CACNA1H: variants seen among roughly 807,000 people sequenced by gnomAD.
The protein encoded by CACNA1H is voltage-dependent T-type calcium channel subunit alpha-1H.
A neutral mutation model predicts 192.5 loss-of-function variants in CACNA1H; 149 were observed. The observed-to-expected ratio is 0.77, with a 90% CI of 0.68 to 0.89. The LOEUF is 0.89. Ranked by LOEUF, CACNA1H falls within the 40% of genes least tolerant of loss-of-function variation. The pLI is 0.00. For synonymous variants in CACNA1H, 2,202 were observed against 1,475.2 expected, an observed-to-expected ratio of 1.49 and a Z score of -11.29; for missense variants, 4,257 against 3,423.5, an observed-to-expected ratio of 1.24 and a Z score of -6.08.
intron 34 of CACNA1H, 68 bp downstream of exon 34, chr16:1,219,198 C>T: frequency 7.2e-7 from 1 of 1,397,094 alleles, no homozygotes. Flanking sequence ...TGCCTCGTCT[C>T]ATCTGAAGGA....
At chr16:1,195,390 G>A (rs1032027013) in intron 3 of CACNA1H, 42 bp from the exon 4 acceptor site, 23 of 1,549,382 alleles carry the variant, frequency 1.5e-5, no homozygotes, top group Non-Finnish European at 1.8e-5. Flanking sequence ...TGTGGGCTGA[G>A]CTGAGCTGTT....
intron 5 of CACNA1H, among the ~76,000 whole-genome samples, chr16:1,198,374 G>A (rs34569984): frequency 7.2e-5 from 11 of 152,046 alleles, no homozygotes; most frequent in Admixed American, 5.2e-4. Context: ...CTGGCGCCCC[G>A]CTGGATGCAC....
intron 6 of CACNA1H, among the ~76,000 whole-genome samples, chr16:1,199,726 A>T (rs918457393): frequency 2.9e-5 from 4 of 139,336 alleles, no homozygotes; most frequent in African/African-American, 1.1e-4. Context: ...CCTTCACCCC[A>T]GGGTCCCCTG....
At chr16:1,192,477 C>T (rs1966709830) in intron 2 of CACNA1H, among the ~76,000 whole-genome samples, 1 of 152,258 alleles carries the variant, frequency 6.6e-6, no homozygotes, top group Admixed American at 6.5e-5. Flanking sequence ...GGCCCCTTCC[C>T]TTCTGTCCCC....
At chr16:1,174,669 G>A (rs1964689263) in intron 2 of CACNA1H, among the ~76,000 whole-genome samples, 1 of 152,206 alleles carries the variant, frequency 6.6e-6, no homozygotes, top group Non-Finnish European at 1.5e-5. Context: ...GCTGGGAGAG[G>A]AGAGGCGCCC....
At chr16:1,202,610 G>A (rs377370793) in intron 9 of CACNA1H, among the ~76,000 whole-genome samples, 158 bp downstream of exon 9, 5 of 152,282 alleles carry the variant, frequency 3.3e-5, no homozygotes, top group African/African-American at 4.8e-5. Flanking sequence ...CCATAAGAAG[G>A]GGAAAGAGGC....
rs777503810 is a variant in CACNA1H at position 1,204,291 on chromosome 16, C to T, written c.2284C>T (p.Arg762Trp). 5.0e-6 allele frequency: 8 copies of T among 1,603,742 alleles called. No homozygotes were observed. Among genetic ancestry groups the T allele is most frequent in the South Asian group, 2.2e-5 (2 of 90,372 alleles). Residue 762 changes from arginine (R) to tryptophan (W), a missense_variant, in exon 10 of 35, where the codon CGG becomes TGG. Coordinates refer to ENST00000348261, the MANE Select transcript of CACNA1H (RefSeq NM_021098.3). ...PGPGPGSPQRRAQQRAAPGEP... is the reference protein window; with the variant it reads ...PGPGPGSPQRWAQQRAAPGEP... ...CCCAGGCCCAGGCAGCCCCCAGCGG[C>T]GGGCACAGCAGAGGGCAGCCCCGGG...
intron 24 of CACNA1H, 54 bp from the exon 25 acceptor site, chr16:1,211,892 G>T (rs1185619567): frequency 1.9e-6 from 3 of 1,610,430 alleles, no homozygotes; most frequent in South Asian, 1.1e-5. Context: ...GGCCATCCTG[G>T]GTAGGGCCCC....
At position 1,208,076 on chromosome 16, in the gene CACNA1H, C is replaced by G. The variant is rs369474500; in HGVS notation, c.3218C>G (p.Ser1073Cys). 135 of 1,601,398 alleles carry G rather than the reference C, an allele frequency of 8.4e-5. 2 individuals carry two copies. In the East Asian group the frequency reaches 2.8e-3, roughly 33 times the overall value. ...CACCTGGAGGGACGAGGCAGCCTGT[C>G]CCCTCCCCTCATCATGTGCACAGCT... ...NGHLEGRGSL[S>C]PPLIMCTAAT... The change falls in exon 16 of 35, where the codon TCC becomes TGC. Residue 1073 changes from serine to cysteine, a missense_variant. Transcript: ENST00000348261.
chr16:1,154,849 C>T (rs1167717976), intron 2 of CACNA1H, among the ~76,000 whole-genome samples: 5 of 152,180 alleles, frequency 3.3e-5, no homozygotes, highest in Admixed American at 1.3e-4. Context: ...GGGGGCCCCC[C>T]AGCAGGTGGC....
intron 30 of CACNA1H, 43 bp from the exon 31 acceptor site, chr16:1,216,889 C>T (rs1364520747): frequency 1.3e-6 from 2 of 1,526,310 alleles, no homozygotes; most frequent in East Asian, 4.7e-5. Context: ...CTGAGGCCTC[C>T]CTGCCCGCCC....
chr16:1,200,752 T>C lies in CACNA1H; in HGVS notation c.1156T>C (p.Tyr386His). The change falls in exon 8 of 35, where the codon TAC becomes CAC. Residue 386 changes from tyrosine (Y) to histidine (H), a missense_variant. Tyr to His is a moderately conservative substitution (Grantham distance 83, BLOSUM62 2). Coordinates refer to ENST00000348261, the MANE Select transcript of CACNA1H (RefSeq NM_021098.3). ...TLEGWVDIMY[Y>H]VMDAHSFYNF... The stretch of plus-strand genomic sequence containing the variant: ...GGAAGGCTGGGTGGACATCATGTAC[T>C]ACGTCATGGACGCCCACTCATTCTA... The C allele has an allele frequency of 1.2e-5, 18 of 1,558,970 alleles. No individual in the cohort carries two copies. Among genetic ancestry groups the C allele is most frequent in the Non-Finnish European group, 1.6e-5 (18 of 1,151,444 alleles).
intron 12 of CACNA1H, 88 bp from the exon 13 acceptor site, chr16:1,206,913 T>TCCCCCCCCCCCCCC: frequency 1.4e-5 from 1 of 70,704 alleles, no homozygotes. Context: ...TGCCCCTCCC[T>TCCCCCCCCCCCCCC]CCTCCCACCC....
chr16:1,173,718 C>T (rs111531237), intron 2 of CACNA1H, among the ~76,000 whole-genome samples: 2,381 of 152,302 alleles, frequency 0.016, 51 homozygotes, highest in African/African-American at 0.04. Flanking sequence ...GCTCCCCGGC[C>T]GCCGTGCTGA....
At chr16:1,168,306 A>G (rs777121711) in intron 2 of CACNA1H, among the ~76,000 whole-genome samples, 1 of 152,008 alleles carries the variant, frequency 6.6e-6, no homozygotes, top group Non-Finnish European at 1.5e-5. Flanking sequence ...CTAGGGCCTG[A>G]GGCCTGCAGT....
At chr16:1,164,955 C>G (rs976376421) in intron 2 of CACNA1H, among the ~76,000 whole-genome samples, 1 of 152,154 alleles carries the variant, frequency 6.6e-6, no homozygotes, top group African/African-American at 2.4e-5. Flanking sequence ...TCCTTGGGTG[C>G]AGCAGGTGGG....
At chr16:1,189,033 C>T (rs1224844554) in intron 2 of CACNA1H, among the ~76,000 whole-genome samples, 5 of 149,334 alleles carry the variant, frequency 3.3e-5, no homozygotes, top group Admixed American at 2.0e-4. Flanking sequence ...TTGGTGTGAG[C>T]CACCATGGCC....
At position 1,218,005 on chromosome 16, in the gene CACNA1H, G is replaced by A. The variant is rs556889010; in HGVS notation, c.5410G>A (p.Val1804Met). ...CATGGCCTTCCTCACGCTGTTCCGC[G>A]TGTCCACGGGGGACAACTGGAACGG... is the stretch of plus-strand genomic sequence containing the variant. ...FGMAFLTLFR[V>M]STGDNWNGIM... Residue 1804 changes from valine (V) to methionine (M), a missense_variant, in exon 32 of 35, where the codon GTG (valine) becomes ATG (methionine). Transcript: ENST00000348261. 29 of 1,601,752 alleles carry A rather than the reference G, an allele frequency of 1.8e-5. No homozygotes were observed. Among genetic ancestry groups the A allele is most frequent in the East Asian group, 2.3e-5 (1 of 44,284 alleles).
rs529694582 is a variant in CACNA1H, at chr16:1,180,560, T to C, written c.300-14412T>C. On this transcript the variant is annotated intron_variant, in intron 2 of 34. Transcript: ENST00000348261. This position sits in a 1 kb window ranked among gnomAD's most constrained non-coding sequence, Gnocchi z 4.4. ...TCTGGGTCCTGAGCAGGGGCTGCAG[T>C]CACAGCCAGGCCGTGGGGGGGCCAG... Among the ~76,000 whole-genome samples, 1 of 151,986 alleles carries C rather than the reference T, an allele frequency of 6.6e-6. No individual in the cohort carries two copies. Among genetic ancestry groups the C allele is most frequent in the African/African-American group, 2.4e-5 (1 of 41,462 alleles).
Sources: allele counts gnomAD v4.1 joint callset (sites outside exome capture counted in the v4.1 genomes callset), GRCh38; gene constraint gnomAD v4.1.1; non-coding constraint Gnocchi (gnomAD v3.1); transcripts MANE v1.5; gene names NCBI Gene and HGNC (gene_info 2026-07-23, HGNC 2026-07-21).